The following LRP1B variants were observed in gnomAD, a reference collection of about 807,000 sequenced individuals.
The protein encoded by LRP1B is low-density lipoprotein receptor-related protein 1B.
LRP1B carries 217 observed loss-of-function variants against 556.6 expected under a neutral mutation model. The observed-to-expected ratio is 0.39, with a 90% confidence interval of 0.35 to 0.44. The LOEUF is 0.44. Ranked by LOEUF, LRP1B falls within the 20% of genes least tolerant of loss-of-function variation. The pLI is 1.00. For synonymous variants in LRP1B, 2,047 were observed against 1,865.8 expected (o/e 1.10, Z -2.50); for missense variants, 5,053 against 5,620.8 (o/e 0.90, Z 3.23).
chr2:141,657,994 A>G (rs1200444101), intron 2 of LRP1B, among the ~76,000 whole-genome samples: 1 of 152,204 alleles, frequency 6.6e-6, no homozygotes. Flanking sequence ...ACTGCCTTAA[A>G]TACAGTACCA....
chr2:141,188,624 A>G, intron 6 of LRP1B, 41 bp from the exon 7 acceptor site: 1 of 1,550,738 alleles, frequency 6.4e-7, no homozygotes, highest in Non-Finnish European at 8.9e-7. Flanking sequence ...CACAGGTGCA[A>G]TCTAGCATCA....
chr2:141,761,615 ATTTTAT>A (rs2105594749), intron 2 of LRP1B, among the ~76,000 whole-genome samples: 1 of 152,248 alleles, frequency 6.6e-6, no homozygotes, highest in African/African-American at 2.4e-5. Context: ...TTACTTTTAA[ATTTTAT>A]TTTTATTTGC....
chr2:141,129,578 G>T (rs190956011), intron 7 of LRP1B, among the ~76,000 whole-genome samples: 30 of 149,948 alleles, frequency 2.0e-4, no homozygotes, highest in Admixed American at 1.0e-3. Flanking sequence ...TGTGTGGGGG[G>T]AGGGGCGGGG....
intron 2 of LRP1B, among the ~76,000 whole-genome samples, chr2:141,729,506 G>A (rs1380793935): frequency 6.6e-6 from 1 of 152,046 alleles, no homozygotes; most frequent in East Asian, 1.9e-4. Context: ...TACATCAGGG[G>A]GTTAGACTGT....
intron 2 of LRP1B, among the ~76,000 whole-genome samples, chr2:141,682,851 T>C (rs181235996): frequency 6.6e-6 from 1 of 152,318 alleles, no homozygotes; most frequent in African/African-American, 2.4e-5. Flanking sequence ...TTGTTTAAGA[T>C]TCATAATGTG....
chr2:141,674,415 A>C (rs894412510), intron 2 of LRP1B, among the ~76,000 whole-genome samples: 2 of 152,080 alleles, frequency 1.3e-5, no homozygotes, highest in African/African-American at 2.4e-5. Flanking sequence ...TGTCTTCTTA[A>C]GACCAATTTA....
At chr2:141,185,673 G>GAAAAAAAAAAAAAAAAAAAAA (rs1365290510) in intron 7 of LRP1B, among the ~76,000 whole-genome samples, 1 of 23,770 alleles carries the variant, frequency 4.2e-5, no homozygotes, top group Non-Finnish European at 7.7e-5. Context: ...ATGGAGAACT[G>GAAAAAAAAAAAAAAAAAAAAA]AAAAACAAAC....
intron 2 of LRP1B, among the ~76,000 whole-genome samples, chr2:141,563,821 C>T (rs1161658293): frequency 6.6e-6 from 1 of 151,886 alleles, no homozygotes; most frequent in Non-Finnish European, 1.5e-5. Flanking sequence ...AAGCTAAACA[C>T]TGAGTACTTA....
At chr2:140,934,158 T>C (rs1191842935) in intron 20 of LRP1B, among the ~76,000 whole-genome samples, 2 of 152,030 alleles carry the variant, frequency 1.3e-5, no homozygotes, top group African/African-American at 2.4e-5. Flanking sequence ...TTGTATTTTA[T>C]GAGAAAATAA....
chr2:140,510,160 T>A (rs2104918483), intron 51 of LRP1B, 104 bp from the exon 52 acceptor site: 1 of 1,295,446 alleles, frequency 7.7e-7, no homozygotes, highest in East Asian at 2.4e-5. Flanking sequence ...AGAATGTTGC[T>A]TATAAGGAGG....
chr2:141,685,746 G>A (rs535619655), intron 2 of LRP1B, among the ~76,000 whole-genome samples: 35 of 152,076 alleles, frequency 2.3e-4, no homozygotes, highest in Admixed American at 1.8e-3. Context: ...TCTAGAAACT[G>A]GAAAACACAA....
chr2:141,226,351 C>G (rs2105287471), intron 6 of LRP1B, among the ~76,000 whole-genome samples: 1 of 152,196 alleles, frequency 6.6e-6, no homozygotes, highest in South Asian at 2.1e-4. Flanking sequence ...GCATATCTCT[C>G]CTGCTTGCTA....
chr2:140,764,940 T>C (rs1407011707), intron 35 of LRP1B, among the ~76,000 whole-genome samples: 1 of 152,180 alleles, frequency 6.6e-6, no homozygotes, highest in African/African-American at 2.4e-5. Context: ...AATAAAATAT[T>C]TCCTCTAGTA....
chr2:141,213,499 T>C (rs1416584633), intron 6 of LRP1B, among the ~76,000 whole-genome samples: 1 of 152,086 alleles, frequency 6.6e-6, no homozygotes, highest in East Asian at 1.9e-4. Context: ...GACACACTTG[T>C]TAACTAGTGG....
chr2:140,951,003 GA>G (rs1245532886), intron 19 of LRP1B, among the ~76,000 whole-genome samples: 2 of 152,046 alleles, frequency 1.3e-5, no homozygotes, highest in Non-Finnish European at 2.9e-5. Context: ...GTTCCACACA[GA>G]AATAACTAAC....
chr2:140,239,605 A>G, intron 87 of LRP1B, 73 bp from the exon 88 acceptor site: 1 of 897,090 alleles, frequency 1.1e-6, no homozygotes, highest in South Asian at 1.6e-5. Context: ...TAAGTACTTT[A>G]TTATACCAAA....
chr2:140,419,622 C>A (rs1685347043), intron 66 of LRP1B, among the ~76,000 whole-genome samples: 1 of 152,052 alleles, frequency 6.6e-6, no homozygotes, highest in South Asian at 2.1e-4. Context: ...CCAATGAAAT[C>A]AAATTAAGAC....
intron 1 of LRP1B, among the ~76,000 whole-genome samples, chr2:141,975,397 C>G (rs1369903536): frequency 6.6e-6 from 1 of 152,048 alleles, no homozygotes; most frequent in Non-Finnish European, 1.5e-5. Flanking sequence ...CCTCCTCCTT[C>G]ATGGAAAGAC....
intron 3 of LRP1B, among the ~76,000 whole-genome samples, chr2:141,420,895 G>A (rs1328430506): frequency 1.3e-5 from 2 of 152,152 alleles, no homozygotes; most frequent in African/African-American, 4.8e-5. Flanking sequence ...AGAATGTTGG[G>A]TGCTTGGTGC....
Sources: allele counts gnomAD v4.1 joint callset (sites outside exome capture counted in the v4.1 genomes callset), GRCh38; gene constraint gnomAD v4.1.1; transcripts MANE v1.5; gene names NCBI Gene and HGNC (gene_info 2026-07-23, HGNC 2026-07-21).